The following HPCAL1 variants were observed in gnomAD, a reference collection of about 807,000 sequenced individuals.
HPCAL1 encodes the protein hippocalcin like 1, also known as hippocalcin-like protein 1.
A neutral mutation model predicts 17.1 loss-of-function variants in HPCAL1; 8 were observed. That is an observed-to-expected ratio of 0.47 (90% confidence interval 0.27 to 0.84). The LOEUF is 0.84. Ranked by LOEUF, HPCAL1 falls within the 40% of genes least tolerant of loss-of-function variation. The pLI is 0.13. For missense variants in HPCAL1, 165 were observed against 271.1 expected, an observed-to-expected ratio of 0.61 and a Z score of 2.75; for synonymous variants, 112 against 111.4, an observed-to-expected ratio of 1.01 and a Z score of -0.03.
chr2:10,401,462 G>T (rs1238856199), intron 2 of HPCAL1, among the ~76,000 whole-genome samples: 1 of 152,090 alleles, frequency 6.6e-6, no homozygotes, highest in Non-Finnish European at 1.5e-5. Flanking sequence ...CTTTTGCTGA[G>T]GCTAGAGACT....
Position 10,421,078 on chromosome 2 carries a change from G to T in HPCAL1, c.378+943G>T, listed in dbSNP as rs932962000. ...TGGCCAAGAATTGTATGATTGCTGG[G>T]CTCCTTGGCACTTGCAAGAGGTACC... On this transcript the variant is annotated intron_variant, in intron 3 of 4. Coordinates refer to ENST00000307845, the MANE Select transcript of HPCAL1 (RefSeq NM_002149.4). 2.0e-5 allele frequency among the ~76,000 whole-genome samples: 3 copies of T among 152,162 alleles called. No individual in the cohort carries two copies. The East Asian group carries it at 5.8e-4, about 29-fold the overall frequency.
intron 2 of HPCAL1, among the ~76,000 whole-genome samples, chr2:10,399,215 C>T (rs1669268569): frequency 7.7e-6 from 1 of 129,858 alleles, no homozygotes; most frequent in African/African-American, 3.0e-5. Context: ...ACTGCACCAC[C>T]ACCACCACCA....
chr2:10,391,478 TTAAAGTATACAATG>T (rs1434253955), intron 1 of HPCAL1, among the ~76,000 whole-genome samples: 1 of 152,220 alleles, frequency 6.6e-6, no homozygotes, highest in Non-Finnish European at 1.5e-5. Flanking sequence ...ATTTACCCAT[TTAAAGTATACAATG>T]TAAAGTATAC....
chr2:10,412,094 G>A (rs1355822767), intron 2 of HPCAL1, among the ~76,000 whole-genome samples: 1 of 152,240 alleles, frequency 6.6e-6, no homozygotes, highest in Non-Finnish European at 1.5e-5. Context: ...GTGAAGTGGT[G>A]TTTCCTGATG....
intron 1 of HPCAL1, among the ~76,000 whole-genome samples, chr2:10,308,886 A>G (rs955588551): frequency 6.6e-6 from 1 of 152,184 alleles, no homozygotes; most frequent in African/African-American, 2.4e-5. Flanking sequence ...AAAAACAAAA[A>G]CAAACAAAAC....
rs1665196788 is a variant in HPCAL1, at chr2:10,343,089, T to C, written c.-111+39912T>C. ...TCCTTCCCCAGCTCCAGGCCCTGTG[T>C]GTTTCCAAGTGGGCCCGCAGCTCTG... On this transcript the variant is annotated intron_variant, in intron 1 of 4. Transcript: ENST00000307845. The surrounding 1 kb of genome is among the most constrained non-coding windows in gnomAD (Gnocchi z 4.8). Among the ~76,000 whole-genome samples the C allele has an allele frequency of 6.6e-6, 1 of 152,200 alleles. No individual in the cohort carries two copies. Among genetic ancestry groups the C allele is most frequent in the Non-Finnish European group, 1.5e-5 (1 of 68,034 alleles).
intron 2 of HPCAL1, among the ~76,000 whole-genome samples, chr2:10,415,601 C>T (rs537717988): frequency 2.0e-5 from 3 of 152,200 alleles, no homozygotes; most frequent in Admixed American, 6.5e-5. Context: ...CTCCCTCTGA[C>T]ACACAGGAAG....
rs1167710617 is a variant in HPCAL1 at position 10,419,969 on chromosome 2, C to T, written c.212C>T (p.Thr71Ile). ...ASKFAEHVFR[T>I]FDTNGDGTID... ...AAGTTCGCCGAGCACGTCTTCCGCA[C>T]CTTCGACACCAACGGCGACGGCACC... Residue 71 changes from threonine to isoleucine, a missense_variant, in exon 3 of 5, where the codon ACC becomes ATC. Transcript: ENST00000307845. This position sits in a 1 kb window ranked among gnomAD's most constrained non-coding sequence, Gnocchi z 5.0. 1 of 1,613,886 alleles carries T rather than the reference C, an allele frequency of 6.2e-7. No homozygotes were observed. The highest frequency in any genetic ancestry group is 8.5e-7 in the Non-Finnish European group (1 of 1,180,034).
chr2:10,336,525 C>T (rs17882379), intron 1 of HPCAL1, among the ~76,000 whole-genome samples: 26,155 of 152,198 alleles, frequency 0.17, 2,382 homozygotes, highest in Middle Eastern at 0.28. Flanking sequence ...GTGTGTCGGT[C>T]AGCTGGGCTA....
At chr2:10,408,033 G>A (rs887734737) in intron 2 of HPCAL1, among the ~76,000 whole-genome samples, 1 of 152,240 alleles carries the variant, frequency 6.6e-6, no homozygotes, top group African/African-American at 2.4e-5. Flanking sequence ...CGTGCCACAC[G>A]GGTGAACTCA....
At chr2:10,320,727 GT>G (rs1311647698) in intron 1 of HPCAL1, among the ~76,000 whole-genome samples, 1 of 152,202 alleles carries the variant, frequency 6.6e-6, no homozygotes, top group Non-Finnish European at 1.5e-5. Context: ...TGGCACCTTG[GT>G]GGGGCTCCCA....
chr2:10,399,448 TCACCAC>T (rs1385988233), intron 2 of HPCAL1, among the ~76,000 whole-genome samples: 2 of 17,438 alleles, frequency 1.1e-4, no homozygotes, highest in Non-Finnish European at 1.4e-4. Context: ...ACCATCACCA[TCACCAC>T]CACCACCACC....
chr2:10,373,463 TAA>T (rs1047720687), intron 1 of HPCAL1, among the ~76,000 whole-genome samples: 4 of 152,186 alleles, frequency 2.6e-5, no homozygotes, highest in African/African-American at 9.7e-5. Context: ...AATTAAAATT[TAA>T]AGTCACTGAA....
rs766544460 is a variant in HPCAL1 at position 10,420,153 on chromosome 2, C to A, written c.378+18C>A. ...TCGTGCAGGTACCGGCGCCCGAGGC[C>A]CCGGGTCTCACCGCGGGCCCAGGTC... On this transcript the variant is annotated intron_variant, in intron 3 of 4. Transcript: ENST00000307845. 6.3e-7 allele frequency: 1 copy of A among 1,592,672 alleles called. No homozygotes were observed. The highest frequency in any genetic ancestry group is 1.4e-5 in the African/African-American group (1 of 74,040).
At chr2:10,355,634 A>G (rs1000379073) in intron 1 of HPCAL1, among the ~76,000 whole-genome samples, 1 of 152,134 alleles carries the variant, frequency 6.6e-6, no homozygotes, top group African/African-American at 2.4e-5. Context: ...GCTGGCTTAT[A>G]CAGGGACACC....
At chr2:10,399,271 CCACCACCAT>C (rs1330801612) in intron 2 of HPCAL1, among the ~76,000 whole-genome samples, 2 of 87,884 alleles carry the variant, frequency 2.3e-5, no homozygotes, top group African/African-American at 7.9e-5. Flanking sequence ...ATCACCACCA[CCACCACCAT>C]CACCACCACC....
chr2:10,386,356 G>A (rs138306497), intron 1 of HPCAL1, among the ~76,000 whole-genome samples: 12 of 152,262 alleles, frequency 7.9e-5, no homozygotes, highest in Admixed American at 2.6e-4. Context: ...CTGCCTACTC[G>A]CTGACTCATT....
chr2:10,378,079 C>T (rs1667692101), intron 1 of HPCAL1, among the ~76,000 whole-genome samples: 1 of 152,074 alleles, frequency 6.6e-6, no homozygotes, highest in Non-Finnish European at 1.5e-5. Flanking sequence ...TCTGGGGTAA[C>T]TTGTCTGGGT....
intron 2 of HPCAL1, among the ~76,000 whole-genome samples, chr2:10,417,410 C>T (rs555580470): frequency 3.3e-5 from 5 of 152,188 alleles, no homozygotes; most frequent in South Asian, 2.1e-4. Flanking sequence ...TCCACCCAGC[C>T]GTCTCTCTCC....
Sources: allele counts gnomAD v4.1 joint callset (sites outside exome capture counted in the v4.1 genomes callset), GRCh38; gene constraint gnomAD v4.1.1; non-coding constraint Gnocchi (gnomAD v3.1); transcripts MANE v1.5; gene names NCBI Gene and HGNC (gene_info 2026-07-23, HGNC 2026-07-21).